Variants in RFTN1 observed in about 807,000 individuals in gnomAD.
RFTN1 encodes the protein raftlin, lipid raft linker 1.
RFTN1 carries 26 observed loss-of-function variants against 46.5 expected under a neutral mutation model. The ratio of observed to expected loss-of-function variants is 0.56; its 90% CI spans 0.41 to 0.78. RFTN1 has a LOEUF of 0.78. Ranked by LOEUF, RFTN1 falls within the 30% of genes least tolerant of loss-of-function variation. The pLI, the probability that RFTN1 is intolerant of heterozygous loss-of-function variation, is 0.00. For missense variants in RFTN1, 693 were observed against 718.7 expected (o/e 0.96, Z 0.41); for synonymous variants, 261 against 284.2 (o/e 0.92, Z 0.82).
At chr3:16,438,393 T>C (rs932792747) in intron 2 of RFTN1, among the ~76,000 whole-genome samples, 2 of 151,852 alleles carry the variant, frequency 1.3e-5, no homozygotes, top group African/African-American at 4.8e-5. Context: ...GAGACCAGCC[T>C]GGCCAACATG....
chr3:16,423,590 T>C (rs1360915644), intron 3 of RFTN1, among the ~76,000 whole-genome samples: 1 of 152,112 alleles, frequency 6.6e-6, no homozygotes, highest in African/African-American at 2.4e-5. Context: ...GGAATAAAGA[T>C]AATATATATC....
At position 16,430,929 on chromosome 3, in the gene RFTN1, C is replaced by A. The variant is rs570812782; in HGVS notation, c.332+2922G>T. 7.2e-5 allele frequency among the ~76,000 whole-genome samples: 11 copies of A among 152,338 alleles called. No homozygotes were observed. In the East Asian group the frequency reaches 2.1e-3, roughly 29 times the overall value. Reference sequence around the variant, plus strand: ...TTCATGCTACGTTAGTGGAAGTAAACAACCCCTACTGAGCCCCCAGCTTCA... The same window carrying A: ...TTCATGCTACGTTAGTGGAAGTAAAAAACCCCTACTGAGCCCCCAGCTTCA... On this transcript the variant is annotated intron_variant, in intron 3 of 9. Coordinates refer to ENST00000334133, the MANE Select transcript of RFTN1 (RefSeq NM_015150.2).
chr3:16,350,585 T>G (rs1422642622), intron 7 of RFTN1, among the ~76,000 whole-genome samples: 1 of 152,150 alleles, frequency 6.6e-6, no homozygotes, highest in African/African-American at 2.4e-5. Context: ...ACACAAGAAT[T>G]TGATAAAAGT....
Position 16,342,744 on chromosome 3 carries a change from G to A in RFTN1, c.1146+15188C>T, listed in dbSNP as rs1014317173. Among the ~76,000 whole-genome samples, 14 of 152,202 alleles carry A rather than the reference G, an allele frequency of 9.2e-5. No homozygotes were observed. Among genetic ancestry groups the A allele is most frequent in the African/African-American group, 3.4e-4 (14 of 41,456 alleles). On this transcript the variant is annotated intron_variant, in intron 7 of 9. Transcript: ENST00000334133. This position sits in a 1 kb window ranked among gnomAD's most constrained non-coding sequence, Gnocchi z 4.0. ...TCACCCGAAAAGGATGTTTAAAGAGGCCACTGATTTAAAAGCTCTGTGTCA... is the reference window on the plus strand; with the variant it reads ...TCACCCGAAAAGGATGTTTAAAGAGACCACTGATTTAAAAGCTCTGTGTCA...
Position 16,316,431 on chromosome 3 carries a change from T to G in RFTN1, c.*397A>C, listed in dbSNP as rs2068400280. ...GGACACTGCCCCACACGATGTGGGA[T>G]GAACAGCAGCCTTGGTTTGTAGCCC... On this transcript the variant is annotated 3_prime_UTR_variant, in exon 10 of 10. Transcript: ENST00000334133. The surrounding 1 kb of genome is among the most constrained non-coding windows in gnomAD (Gnocchi z 4.5). The G allele has an allele frequency of 3.7e-6, 1 of 266,686 alleles. No individual in the cohort carries two copies. Among genetic ancestry groups the G allele is most frequent in the Non-Finnish European group, 7.2e-6 (1 of 138,110 alleles). 16.5% of individuals were successfully genotyped at this position (266,686 alleles called of 1,614,324 possible).
At chr3:16,371,559 T>C (rs531687602) in intron 5 of RFTN1, among the ~76,000 whole-genome samples, 1 of 152,342 alleles carries the variant, frequency 6.6e-6, no homozygotes, top group South Asian at 2.1e-4. Context: ...CACAAAGTCT[T>C]CTCACAGCCC....
At chr3:16,502,135 G>C (rs2076720076) in intron 1 of RFTN1, among the ~76,000 whole-genome samples, 1 of 151,340 alleles carries the variant, frequency 6.6e-6, no homozygotes, top group African/African-American at 2.5e-5. Context: ...GGGAGGCCAA[G>C]GCAGGTGAAT....
chr3:16,439,757 T>C (rs1314088336), intron 2 of RFTN1, among the ~76,000 whole-genome samples: 1 of 152,044 alleles, frequency 6.6e-6, no homozygotes, highest in Non-Finnish European at 1.5e-5. Flanking sequence ...TGCCCGAGGG[T>C]TCCAGCCTTC....
intron 5 of RFTN1, among the ~76,000 whole-genome samples, chr3:16,377,226 G>T (rs2073810252): frequency 6.6e-6 from 1 of 152,054 alleles, no homozygotes; most frequent in Non-Finnish European, 1.5e-5. Flanking sequence ...AAGGGATGGT[G>T]GGTAAGTCCA....
In RFTN1 at chr3:16,316,952, TTC is replaced by T; in HGVS notation, c.1611_1612del (p.Asn538TrpfsTer29). 1 of 1,613,982 alleles carries T rather than the reference TTC, an allele frequency of 6.2e-7. No individual in the cohort carries two copies. Among genetic ancestry groups the T allele is most frequent in the Non-Finnish European group, 8.5e-7 (1 of 1,179,990 alleles). Reference sequence around the variant, plus strand: ...GGCCCTGCTGTGGCTGGCAGGACCATTCTGCACAGCCTCACCCTCCACACCCA... The same window carrying T: ...GGCCCTGCTGTGGCTGGCAGGACCATTGCACAGCCTCACCCTCCACACCCA... On this transcript the variant is annotated frameshift_variant, in exon 10 of 10. Coordinates refer to ENST00000334133, the MANE Select transcript of RFTN1 (RefSeq NM_015150.2). LOFTEE classifies it low-confidence loss of function (END_TRUNC). This position sits in a 1 kb window ranked among gnomAD's most constrained non-coding sequence, Gnocchi z 4.5.
At chr3:16,366,892 C>A (rs888076131) in intron 6 of RFTN1, among the ~76,000 whole-genome samples, 2 of 152,196 alleles carry the variant, frequency 1.3e-5, no homozygotes, top group South Asian at 2.1e-4. Flanking sequence ...GCCCAAGACA[C>A]CGGGTCATTC....
intron 5 of RFTN1, among the ~76,000 whole-genome samples, chr3:16,377,276 G>A (rs745831916): frequency 6.6e-6 from 1 of 152,064 alleles, no homozygotes; most frequent in Non-Finnish European, 1.5e-5. Context: ...TCCAGACTGG[G>A]CAACAAATTT....
intron 6 of RFTN1, among the ~76,000 whole-genome samples, chr3:16,358,386 T>C (rs765313504): frequency 3.3e-5 from 5 of 152,038 alleles, no homozygotes; most frequent in Non-Finnish European, 7.4e-5. Flanking sequence ...TAAAACACAG[T>C]CATTTAGAGA....
chr3:16,495,272 A>G (rs2076605838), intron 1 of RFTN1, among the ~76,000 whole-genome samples: 1 of 152,266 alleles, frequency 6.6e-6, no homozygotes, highest in South Asian at 2.1e-4. Flanking sequence ...AACTGCTGAA[A>G]AGCAAGCCGG....
intron 3 of RFTN1, among the ~76,000 whole-genome samples, chr3:16,411,951 C>T (rs545616255): frequency 6.6e-6 from 1 of 152,282 alleles, no homozygotes; most frequent in Non-Finnish European, 1.5e-5. Context: ...AACTCACAGC[C>T]CAGATCGATT....
In RFTN1 at chr3:16,335,178, A is replaced by G. The variant is rs2070726693; in HGVS notation, c.1147-8302T>C. On this transcript the variant is annotated intron_variant, in intron 7 of 9. Transcript: ENST00000334133. This position sits in a 1 kb window ranked among gnomAD's most constrained non-coding sequence, Gnocchi z 4.7. ...TGCCGCAGCAACAGGAAATTAATCC[A>G]CAGCTCAGGGCCAGGAAAAGGCTGG... 6.6e-6 allele frequency among the ~76,000 whole-genome samples: 1 copy of G among 152,228 alleles called. No homozygotes were observed. Among genetic ancestry groups the G allele is most frequent in the Non-Finnish European group, 1.5e-5 (1 of 68,038 alleles).
Position 16,327,912 on chromosome 3 carries a change from A to G in RFTN1, c.1147-1036T>C, listed in dbSNP as rs930466338. The stretch of plus-strand genomic sequence containing the variant: ...ACTACGGGTTCCTCACTAACACTCA[A>G]AGTGTAGCCCCCACCCCTGCTCTGT... On this transcript the variant is annotated intron_variant, in intron 7 of 9. Coordinates refer to ENST00000334133, the MANE Select transcript of RFTN1 (RefSeq NM_015150.2). This position sits in a 1 kb window ranked among gnomAD's most constrained non-coding sequence, Gnocchi z 4.2. 2.6e-5 allele frequency among the ~76,000 whole-genome samples: 4 copies of G among 151,772 alleles called. No individual in the cohort carries two copies. Among genetic ancestry groups the G allele is most frequent in the African/African-American group, 9.7e-5 (4 of 41,424 alleles).
At position 16,460,305 on chromosome 3, in the gene RFTN1, G is replaced by A. The variant is rs1433562931; in HGVS notation, c.146-26268C>T. On this transcript the variant is annotated intron_variant, in intron 2 of 9. Coordinates refer to ENST00000334133, the MANE Select transcript of RFTN1 (RefSeq NM_015150.2). The surrounding 1 kb of genome is among the most constrained non-coding windows in gnomAD (Gnocchi z 4.8). ...GTAGCATTTATATTAACTAAATTTG[G>A]TTTTCATTTTAGAAACAAATTCCTC... is the stretch of plus-strand genomic sequence containing the variant. Among the ~76,000 whole-genome samples the A allele has an allele frequency of 4.6e-5, 7 of 151,976 alleles. No homozygotes were observed. The highest frequency in any genetic ancestry group is 3.9e-4 in the Admixed American group (6 of 15,252).
intron 2 of RFTN1, among the ~76,000 whole-genome samples, chr3:16,486,527 C>T (rs772593464): frequency 1.3e-5 from 2 of 152,204 alleles, no homozygotes; most frequent in African/African-American, 2.4e-5. Flanking sequence ...GTCTCCTCTT[C>T]GTGAAAAGAT....
Sources: gnomAD v4.1 joint callset for allele counts (sites outside exome capture counted in the v4.1 genomes callset) on GRCh38, gnomAD v4.1.1 for gene constraint, Gnocchi (gnomAD v3.1) non-coding constraint, MANE v1.5 for transcripts, NCBI Gene and HGNC (gene_info 2026-07-23, HGNC 2026-07-21) for gene names.